SLC18A2: variants seen among roughly 807,000 people sequenced by gnomAD.
The protein encoded by SLC18A2 is solute carrier family 18 member A2.
A neutral mutation model predicts 59.2 loss-of-function variants in SLC18A2; 33 were observed. The ratio of observed to expected loss-of-function variants is 0.56; its 90% confidence interval spans 0.42 to 0.75. The LOEUF is 0.75. Ranked by LOEUF, SLC18A2 falls within the 30% of genes least tolerant of loss-of-function variation. SLC18A2 has a pLI of 0.00. For missense variants in SLC18A2, 569 were observed against 668.6 expected (o/e 0.85, Z 1.64); for synonymous variants, 228 against 253.5 (o/e 0.90, Z 0.95).
chr10:117,272,551 G>A (rs142332276), intron 15 of SLC18A2, among the ~76,000 whole-genome samples: 52 of 152,206 alleles, frequency 3.4e-4, no homozygotes, highest in African/African-American at 1.1e-3. Flanking sequence ...CCATTTAAAC[G>A]AATACTTCAG....
rs1844410988 is a variant in SLC18A2 at position 117,270,336 on chromosome 10, C to T, written c.1313C>T (p.Ser438Phe). 1 of 1,614,232 alleles carries T rather than the reference C, an allele frequency of 6.2e-7. No individual in the cohort carries two copies. The highest frequency in any genetic ancestry group is 8.5e-7 in the Non-Finnish European group (1 of 1,180,048). ...ATTCTCTGTTTCCTGAAAGGTCCTT[C>T]TGCTGGTGGTGCTATTGCAAAGGCA... ...AFCMGYAIGP[S>F]AGGAIAKAIG... is the part of the protein sequence containing the mutation. Residue 438 changes from serine (S) to phenylalanine (F), a missense_variant, in exon 15 of 16, where the codon TCT becomes TTT. Physicochemically the swap from Ser to Phe is radical, Grantham distance 155 (BLOSUM62 -2). This residue lies in a region of SLC18A2 where 192 missense variants were observed against 278.8 expected (regional missense o/e 0.69). Coordinates refer to ENST00000644641, the MANE Select transcript of SLC18A2 (RefSeq NM_003054.6).
In SLC18A2 at chr10:117,267,721, G is replaced by A. The variant is rs200992027; in HGVS notation, c.1171G>A (p.Val391Ile). The change falls in exon 13 of 16, where the codon GTT becomes ATT. Residue 391 changes from valine (V) to isoleucine (I), a missense_variant. Around this residue, in one of 2 missense-constraint regions of SLC18A2, gnomAD observed 192 missense variants for 278.8 expected, o/e 0.69. Coordinates refer to ENST00000644641, the MANE Select transcript of SLC18A2 (RefSeq NM_003054.6). ...TGGACTCATAGCTCCGAACTTTGGA[G>A]TTGGTTTTGCAATTGGTAAGTCACA... ...IYGLIAPNFGVGFAIGMVDSS... is the reference protein window; with the variant it reads ...IYGLIAPNFGIGFAIGMVDSS... 2.5e-5 allele frequency: 39 copies of A among 1,560,624 alleles called. No individual in the cohort carries two copies. Among genetic ancestry groups the A allele is most frequent in the Non-Finnish European group, 3.3e-5 (38 of 1,139,620 alleles).
At chr10:117,272,480 C>T (rs1270817233) in intron 15 of SLC18A2, among the ~76,000 whole-genome samples, 1 of 152,176 alleles carries the variant, frequency 6.6e-6, no homozygotes, top group Non-Finnish European at 1.5e-5. Context: ...GCCCAGCCAA[C>T]TACCACTGTG....
At chr10:117,257,233 G>T (rs530352748) in intron 9 of SLC18A2, among the ~76,000 whole-genome samples, 2 of 152,086 alleles carry the variant, frequency 1.3e-5, no homozygotes, top group Admixed American at 1.3e-4. Flanking sequence ...TTTACAAAGG[G>T]TTCTGGTTAA....
chr10:117,243,510 C>A (rs1231270070), intron 2 of SLC18A2, among the ~76,000 whole-genome samples: 2 of 152,176 alleles, frequency 1.3e-5, no homozygotes, highest in Non-Finnish European at 2.9e-5. Context: ...TGGCACAGGG[C>A]TCCTGTTTTG....
At chr10:117,257,961 A>C in intron 10 of SLC18A2, 69 bp downstream of exon 10, 1 of 1,101,468 alleles carries the variant, frequency 9.1e-7, no homozygotes, top group South Asian at 1.4e-5. Flanking sequence ...TCCCCAGGGC[A>C]TCCCTGCTGA....
rs907815611 is a variant in SLC18A2 at position 117,269,595 on chromosome 10, T to C, written c.1187-476T>C. Among the ~76,000 whole-genome samples the C allele has an allele frequency of 3.3e-5, 5 of 152,116 alleles. No individual in the cohort carries two copies. The highest frequency in any genetic ancestry group is 1.2e-4 in the African/African-American group (5 of 41,402). On this transcript the variant is annotated intron_variant, in intron 13 of 15. Transcript: ENST00000644641. The surrounding 1 kb of genome is among the most constrained non-coding windows in gnomAD (Gnocchi z 5.1). ...CTCTGAGTATTGGTTTCCTCATCTA[T>C]AAAATGGGGATGCTCATGATTGGCT...
Position 117,270,136 on chromosome 10 carries a change from T to C in SLC18A2, c.1252T>C (p.Tyr418His). ...CGTAGACCTGCGGCACGTGTCCGTC[T>C]ATGGGAGTGTGTACGCCATTGCGGA... ...YLVDLRHVSV[Y>H]GSVYAIADVA... The change falls in exon 14 of 16, where the codon TAT becomes CAT. Residue 418 changes from tyrosine to histidine, a missense_variant. Transcript: ENST00000644641. The C allele has an allele frequency of 6.2e-7, 1 of 1,614,244 alleles. No homozygotes were observed. Among genetic ancestry groups the C allele is most frequent in the East Asian group, 2.2e-5 (1 of 44,884 alleles).
chr10:117,248,773 G>C (rs1844134324), intron 3 of SLC18A2, among the ~76,000 whole-genome samples: 1 of 152,194 alleles, frequency 6.6e-6, no homozygotes, highest in Non-Finnish European at 1.5e-5. Flanking sequence ...CTTAGCATAA[G>C]GTTGAAATAA....
At chr10:117,241,352 C>T (rs2133723361) in intron 1 of SLC18A2, 132 bp downstream of exon 1, 1 of 203,646 alleles carries the variant, frequency 4.9e-6, no homozygotes, top group South Asian at 9.2e-5. Flanking sequence ...AGCCGGGGCG[C>T]AGGGCGCAGG....
At position 117,270,435 on chromosome 10, in the gene SLC18A2, G is replaced by A. The variant is rs1482667636; in HGVS notation, c.1412G>A (p.Arg471Gln). The A allele has an allele frequency of 3.1e-6, 5 of 1,613,616 alleles. No individual in the cohort carries two copies. Among genetic ancestry groups the A allele is most frequent in the South Asian group, 1.1e-5 (1 of 90,962 alleles). Residue 471 changes from arginine to glutamine, a missense_variant, in exon 15 of 16, where the codon CGA (arginine) becomes CAA (glutamine). Physicochemically the swap from Arg to Gln is conservative, Grantham distance 43. Coordinates refer to ENST00000644641, the MANE Select transcript of SLC18A2 (RefSeq NM_003054.6). ...ILFAPLCFFLRSPPAKEEKMA... is the reference protein window; with the variant it reads ...ILFAPLCFFLQSPPAKEEKMA... ...TTTGCCCCTCTCTGCTTTTTTCTTC[G>A]AAGTCCACCTGCCAAAGAAGAAAAA... is the stretch of plus-strand genomic sequence containing the variant.
At chr10:117,243,042 T>A (rs1844072756) in intron 2 of SLC18A2, among the ~76,000 whole-genome samples, 1 of 152,216 alleles carries the variant, frequency 6.6e-6, no homozygotes. Flanking sequence ...TGTTTCAGTT[T>A]TGCTTTTTCC....
chr10:117,258,596 A>G (rs987667658), intron 10 of SLC18A2, among the ~76,000 whole-genome samples: 4 of 152,164 alleles, frequency 2.6e-5, no homozygotes, highest in African/African-American at 9.7e-5. Flanking sequence ...AAAGTTACAC[A>G]TGTACATAAT....
At chr10:117,255,776 A>G in intron 9 of SLC18A2, 119 bp downstream of exon 9, 1 of 833,852 alleles carries the variant, frequency 1.2e-6, no homozygotes, top group Non-Finnish European at 1.9e-6. Context: ...GGGCTATATA[A>G]AAAAACAGAA....
intron 15 of SLC18A2, among the ~76,000 whole-genome samples, chr10:117,274,563 G>GC (rs1844463332): frequency 6.6e-6 from 1 of 152,134 alleles, no homozygotes; most frequent in African/African-American, 2.4e-5. Context: ...GAGGCCCCAT[G>GC]CCCTGCATTC....
intron 15 of SLC18A2, among the ~76,000 whole-genome samples, chr10:117,273,850 T>G (rs1844453633): frequency 1.3e-5 from 2 of 152,342 alleles, no homozygotes; most frequent in South Asian, 4.1e-4. Context: ...CATGTTGGTT[T>G]GTTTGTACCA....
At chr10:117,251,896 G>A (rs1354300921) in intron 3 of SLC18A2, among the ~76,000 whole-genome samples, 2 of 152,082 alleles carry the variant, frequency 1.3e-5, no homozygotes, top group Admixed American at 6.6e-5. Context: ...ACTAAATCTG[G>A]TGGGTGTAAA....
intron 12 of SLC18A2, 195 bp downstream of exon 12, chr10:117,267,230 A>G (rs1406850413): frequency 1.1e-5 from 6 of 563,932 alleles, no homozygotes; most frequent in Admixed American, 7.1e-5. Context: ...ATTTTATGTC[A>G]GAAATTATTT....
At position 117,241,697 on chromosome 10, in the gene SLC18A2, G is replaced by T. The variant is rs1434932291; in HGVS notation, c.4G>T (p.Ala2Ser). The T allele has an allele frequency of 6.3e-7, 1 of 1,592,406 alleles. No homozygotes were observed. Reference sequence around the variant, plus strand: ...CCCGCAGCGGAGCCCCGGAGCCATGGCCCTGAGCGAGCTGGCGCTGGTCCG... The same window carrying T: ...CCCGCAGCGGAGCCCCGGAGCCATGTCCCTGAGCGAGCTGGCGCTGGTCCG... The part of the protein sequence containing the change: M[A>S]LSELALVRWL... Residue 2 changes from alanine to serine, a missense_variant, in exon 2 of 16, where the codon GCC becomes TCC. Physicochemically the swap from Ala to Ser is moderately conservative, Grantham distance 99. Coordinates refer to ENST00000644641, the MANE Select transcript of SLC18A2 (RefSeq NM_003054.6).
Sources: gnomAD v4.1 joint callset for allele counts (sites outside exome capture counted in the v4.1 genomes callset) on GRCh38, gnomAD v4.1.1 for gene constraint, gnomAD v4.1.1 regional missense constraint, Gnocchi (gnomAD v3.1) non-coding constraint, MANE v1.5 for transcripts, NCBI Gene and HGNC (gene_info 2026-07-23, HGNC 2026-07-21) for gene names.